The following RORA variants were observed in gnomAD, a reference collection of about 807,000 sequenced individuals.
The protein encoded by RORA is nuclear receptor ROR-alpha.
In RORA, 7 loss-of-function variants were observed where a neutral mutation model predicts 69.5. The ratio of observed to expected loss-of-function variants is 0.10; its 90% CI spans 0.06 to 0.19. The LOEUF (loss-of-function observed/expected upper bound fraction) is 0.19. Among genes scored for constraint, RORA ranks in the 10% least tolerant of loss-of-function variants. The pLI, the probability that RORA is intolerant of heterozygous loss-of-function variation, is 1.00. For synonymous variants in RORA, 261 were observed against 240.8 expected, an observed-to-expected ratio of 1.08 and a Z score of -0.78; for missense variants, 457 against 663.0, an observed-to-expected ratio of 0.69 and a Z score of 3.41.
At chr15:61,010,848 C>T (rs1895064355) in intron 1 of RORA, among the ~76,000 whole-genome samples, 1 of 152,126 alleles carries the variant, frequency 6.6e-6, no homozygotes, top group African/African-American at 2.4e-5. Flanking sequence ...TTTACTCCCT[C>T]AGGTTCTTCC....
chr15:61,110,368 C>A (rs2078993705), intron 1 of RORA, among the ~76,000 whole-genome samples: 2 of 150,894 alleles, frequency 1.3e-5, no homozygotes, highest in South Asian at 4.2e-4. Context: ...ATACTCCAGC[C>A]TGGCAACAGA....
At chr15:60,943,551 A>G (rs1293912536) in intron 1 of RORA, among the ~76,000 whole-genome samples, 2 of 151,108 alleles carry the variant, frequency 1.3e-5, no homozygotes, top group African/African-American at 2.4e-5. Flanking sequence ...TCTTGGCCCA[A>G]TGTGGACCCG....
At chr15:61,199,236 G>C (rs1171553488) in intron 1 of RORA, among the ~76,000 whole-genome samples, 1 of 151,724 alleles carries the variant, frequency 6.6e-6, no homozygotes, top group Non-Finnish European at 1.5e-5. Flanking sequence ...CTCGGGAGCA[G>C]TGCCAATAGG....
chr15:60,574,260 G>C (rs1326501202), intron 2 of RORA, among the ~76,000 whole-genome samples: 2 of 152,204 alleles, frequency 1.3e-5, no homozygotes, highest in Admixed American at 1.3e-4. Context: ...AGGATGAAAG[G>C]CTAATGTAAG....
intron 1 of RORA, among the ~76,000 whole-genome samples, chr15:61,185,926 G>A (rs997858626): frequency 2.6e-5 from 4 of 151,984 alleles, no homozygotes; most frequent in African/African-American, 4.8e-5. Context: ...GCCCCACCCT[G>A]TTTCTCTACT....
At chr15:60,682,954 G>C (rs1258275190) in intron 1 of RORA, among the ~76,000 whole-genome samples, 1 of 152,172 alleles carries the variant, frequency 6.6e-6, no homozygotes, top group Non-Finnish European at 1.5e-5. Flanking sequence ...GATGACTTGG[G>C]CAAATAATTT....
At chr15:60,708,412 C>T (rs112985199) in intron 1 of RORA, among the ~76,000 whole-genome samples, 15 of 146,174 alleles carry the variant, frequency 1.0e-4, no homozygotes, top group Non-Finnish European at 1.9e-4. Context: ...ACAGAGACTC[C>T]GTCTCAAAAA....
chr15:60,777,264 C>T (rs149145702), intron 1 of RORA, among the ~76,000 whole-genome samples: 58 of 152,232 alleles, frequency 3.8e-4, no homozygotes, highest in African/African-American at 1.2e-3. Context: ...AAATAAGACC[C>T]GGAACATTAG....
chr15:60,763,314 G>T (rs966805665), intron 1 of RORA, among the ~76,000 whole-genome samples: 1 of 151,888 alleles, frequency 6.6e-6, no homozygotes, highest in Non-Finnish European at 1.5e-5. Context: ...TGTTTCCCCC[G>T]CCCTGGAAAC....
At chr15:60,783,360 T>G (rs1176557540) in intron 1 of RORA, among the ~76,000 whole-genome samples, 1 of 152,192 alleles carries the variant, frequency 6.6e-6, no homozygotes, top group Non-Finnish European at 1.5e-5. Flanking sequence ...TATTTAAAAA[T>G]TAATTAAATT....
chr15:61,087,367 A>G (rs1024637539), intron 1 of RORA, among the ~76,000 whole-genome samples: 3 of 152,246 alleles, frequency 2.0e-5, no homozygotes, highest in Non-Finnish European at 4.4e-5. Context: ...TGTCAAGCCA[A>G]TGTCAGAACC....
At chr15:61,051,488 C>A (rs1897288047) in intron 1 of RORA, among the ~76,000 whole-genome samples, 1 of 152,156 alleles carries the variant, frequency 6.6e-6, no homozygotes, top group South Asian at 2.1e-4. Context: ...CTCCTAGAGT[C>A]AATCCAGTGA....
intron 1 of RORA, among the ~76,000 whole-genome samples, chr15:61,105,877 T>G (rs1429030012): frequency 2.0e-5 from 3 of 152,210 alleles, no homozygotes; most frequent in African/African-American, 7.2e-5. Flanking sequence ...ATTCTTCAGG[T>G]GAGACCATCA....
At chr15:60,974,504 G>A (rs1017223448) in intron 1 of RORA, among the ~76,000 whole-genome samples, 4 of 152,116 alleles carry the variant, frequency 2.6e-5, no homozygotes, top group Middle Eastern at 3.2e-3. Context: ...AGCTCCCTGG[G>A]GTGATAATGG....
intron 1 of RORA, among the ~76,000 whole-genome samples, chr15:60,837,910 G>T (rs1291173329): frequency 1.3e-5 from 2 of 152,214 alleles, no homozygotes; most frequent in Admixed American, 6.5e-5. Context: ...GACAAGAGCT[G>T]CCTCCTTCAT....
At chr15:61,040,572 T>A (rs1896711813) in intron 1 of RORA, among the ~76,000 whole-genome samples, 1 of 152,102 alleles carries the variant, frequency 6.6e-6, no homozygotes, top group Non-Finnish European at 1.5e-5. Flanking sequence ...TTGGAGTGTG[T>A]TTAAATGATG....
chr15:60,683,843 T>A (rs534478963), intron 1 of RORA, among the ~76,000 whole-genome samples: 1 of 152,318 alleles, frequency 6.6e-6, no homozygotes, highest in South Asian at 2.1e-4. Context: ...CAAAAATGCT[T>A]GACTCTCTTT....
intron 1 of RORA, among the ~76,000 whole-genome samples, chr15:61,049,699 G>A (rs1030732546): frequency 9.2e-5 from 14 of 151,670 alleles, no homozygotes; most frequent in Non-Finnish European, 1.5e-4. Flanking sequence ...TCCCTCTGTC[G>A]CCTAGGCTGG....
intron 2 of RORA, among the ~76,000 whole-genome samples, chr15:60,573,375 G>A (rs753569302): frequency 3.3e-5 from 5 of 152,140 alleles, no homozygotes; most frequent in Admixed American, 2.0e-4. Context: ...GAGGCAGAGC[G>A]GCCGCACAGA....
Sources: gnomAD v4.1 joint callset for allele counts (sites outside exome capture counted in the v4.1 genomes callset) on GRCh38, gnomAD v4.1.1 for gene constraint, MANE v1.5 for transcripts, NCBI Gene and HGNC (gene_info 2026-07-23, HGNC 2026-07-21) for gene names.